WDR43: variants seen among roughly 807,000 people sequenced by gnomAD.
WDR43 encodes WD repeat domain 43.
WDR43 carries 13 observed loss-of-function variants against 91.4 expected under a neutral mutation model. The ratio of observed to expected loss-of-function variants is 0.14; its 90% CI spans 0.09 to 0.23. WDR43 has a LOEUF of 0.23. WDR43 is among the 10% of genes least tolerant of loss of function. The probability of loss-of-function intolerance (pLI) is 1.00; values close to 1 mark genes in which losing one functional copy is unlikely to be tolerated. For synonymous variants in WDR43, 331 were observed against 287.9 expected, an observed-to-expected ratio of 1.15 and a Z score of -1.51; for missense variants, 780 against 809.4, an observed-to-expected ratio of 0.96 and a Z score of 0.44.
intron 7 of WDR43, 91 bp downstream of exon 7, chr2:28,923,074 T>TTAC: frequency 9.2e-7 from 1 of 1,089,790 alleles, no homozygotes; most frequent in Non-Finnish European, 1.3e-6. Flanking sequence ...TTGCATCATA[T>TTAC]TACTATTCAG....
At position 28,897,356 on chromosome 2, in the gene WDR43, G is replaced by A. The variant is rs530004138; in HGVS notation, c.225+2433G>A. 1.3e-4 allele frequency among the ~76,000 whole-genome samples: 20 copies of A among 152,234 alleles called. No individual in the cohort carries two copies. In the South Asian group the frequency reaches 3.9e-3, roughly 30 times the overall value. On this transcript the variant is annotated intron_variant, in intron 1 of 17. Coordinates refer to ENST00000407426, the MANE Select transcript of WDR43 (RefSeq NM_015131.3). ...ACCCTTCCTTTTATTTTACATCTTT[G>A]AGGCTTAGTGTATGAGGCATGAAAA...
chr2:28,917,667 T>G (rs1670941143), intron 5 of WDR43, among the ~76,000 whole-genome samples: 2 of 152,258 alleles, frequency 1.3e-5, no homozygotes, highest in South Asian at 4.1e-4. Context: ...TGTTTAAATC[T>G]GCCACAAATG....
chr2:28,937,735 A>C lies in WDR43; in HGVS notation c.1557-196A>C, dbSNP rs1293390469. On this transcript the variant is annotated intron_variant, in intron 13 of 17. Transcript: ENST00000407426. ...CTGATGTGGCCCCCAATCCCTGCCCAAGGTCTATGACACAGAGCTCAGATA... is the reference window on the plus strand; with the variant it reads ...CTGATGTGGCCCCCAATCCCTGCCCCAGGTCTATGACACAGAGCTCAGATA... Among the ~76,000 whole-genome samples the C allele has an allele frequency of 3.3e-5, 5 of 152,316 alleles. No individual in the cohort carries two copies. The South Asian group carries it at 8.3e-4, about 25-fold the overall frequency.
At chr2:28,944,026 C>A (rs1671495269) in intron 16 of WDR43, among the ~76,000 whole-genome samples, 1 of 152,198 alleles carries the variant, frequency 6.6e-6, no homozygotes, top group Non-Finnish European at 1.5e-5. Context: ...CAAGTATGAA[C>A]AGAGGACCTG....
rs1054196131 is a variant in WDR43, at chr2:28,902,077, A to G, written c.316A>G (p.Ile106Val). ...LLALGTAVGS[I>V]LLYSTVKGEL... ...GGCTCTTGGCACAGCAGTTGGTAGC[A>G]TTTTATTATACAGCACAGTAAAAGG... Residue 106 changes from isoleucine (I) to valine (V), a missense_variant, in exon 2 of 18, where the codon ATT (isoleucine) becomes GTT (valine). Ile to Val is a conservative substitution (Grantham distance 29). This residue lies in a region of WDR43 where 174 missense variants were observed against 207.3 expected (regional missense o/e 0.84). Transcript: ENST00000407426. 2 of 1,610,552 alleles carry G rather than the reference A, an allele frequency of 1.2e-6. No individual in the cohort carries two copies. Among genetic ancestry groups the G allele is most frequent in the African/African-American group, 1.3e-5 (1 of 74,834 alleles).
rs536735561 is a variant in WDR43, at chr2:28,927,446, T to C, written c.1174-123T>C. The C allele has an allele frequency of 5.7e-5, 65 of 1,137,376 alleles. No homozygotes were observed. In the Admixed American group the frequency reaches 6.1e-4, roughly 11 times the overall value. The allele number at this position is 1,137,376 out of a possible 1,614,324, so 70.5% of individuals were successfully genotyped here. A position where few individuals can be genotyped will look rare whatever the true frequency, so the allele number is the denominator to read the frequency against. The stretch of plus-strand genomic sequence containing the variant: ...ATTTAAAATATATCTTAAATTGATA[T>C]CAAGTTAATTATATTGCATTTTTCC... On this transcript the variant is annotated intron_variant, in intron 9 of 17. Transcript: ENST00000407426.
chr2:28,918,588 C>T (rs960852020), intron 6 of WDR43, among the ~76,000 whole-genome samples: 5 of 151,996 alleles, frequency 3.3e-5, no homozygotes, highest in South Asian at 4.2e-4. Flanking sequence ...AGGCTGGTCT[C>T]GAACTCCCCA....
At chr2:28,894,950 G>C in intron 1 of WDR43, 27 bp downstream of exon 1, 3 of 1,503,612 alleles carry the variant, frequency 2.0e-6, no homozygotes, top group South Asian at 1.2e-5. Context: ...TGCGCGGGGC[G>C]GGCGCCTTCC....
At chr2:28,915,409 A>G (rs1211073659) in intron 5 of WDR43, among the ~76,000 whole-genome samples, 1 of 152,218 alleles carries the variant, frequency 6.6e-6, no homozygotes, top group African/African-American at 2.4e-5. Context: ...CCCTGGCATT[A>G]TTGAGTTGCT....
Position 28,935,419 on chromosome 2 carries a change from C to T in WDR43, c.1438-102C>T, listed in dbSNP as rs13399322. 5,058 of 767,656 alleles carry T rather than the reference C, an allele frequency of 6.6e-3. 221 individuals are homozygous for T. In the African/African-American group the frequency reaches 0.084, roughly 13 times the overall value. 47.6% of individuals were successfully genotyped at this position (767,656 alleles called of 1,614,324 possible). A position where few individuals can be genotyped will look rare whatever the true frequency, so the allele number is the denominator to read the frequency against. ...TCAGTTTGTAGTTTATTGCCTTGGT[C>T]TTAAATGATTTAAAGGATTCATTTT... is the stretch of plus-strand genomic sequence containing the variant. On this transcript the variant is annotated intron_variant, in intron 11 of 17. Coordinates refer to ENST00000407426, the MANE Select transcript of WDR43 (RefSeq NM_015131.3).
intron 11 of WDR43, among the ~76,000 whole-genome samples, chr2:28,932,042 A>G (rs1671258252): frequency 6.6e-6 from 1 of 151,946 alleles, no homozygotes; most frequent in Non-Finnish European, 1.5e-5. Context: ...TAGCCAGCTA[A>G]TTTTTAAAAT....
chr2:28,926,350 T>TA, intron 8 of WDR43, 118 bp from the exon 9 acceptor site: 1 of 742,206 alleles, frequency 1.3e-6, no homozygotes, highest in Non-Finnish European at 2.1e-6. Context: ...TAATATTTTA[T>TA]AAAAATGCAC....
At chr2:28,939,033 A>G (rs5006636) in intron 14 of WDR43, among the ~76,000 whole-genome samples, 7 of 70,710 alleles carry the variant, frequency 9.9e-5, no homozygotes, top group East Asian at 4.3e-4. Flanking sequence ...TTGGGAGGTG[A>G]CCTGGGAGCA....
At chr2:28,901,845 T>A in intron 1 of WDR43, 142 bp from the exon 2 acceptor site, 1 of 777,698 alleles carries the variant, frequency 1.3e-6, no homozygotes, top group South Asian at 2.2e-5. Flanking sequence ...TTTGAAGTAG[T>A]GAGAAGTAAA....
Position 28,902,356 on chromosome 2 carries a change from A to G in WDR43, c.363+232A>G, listed in dbSNP as rs376057891. ...AAGACTTATTGACTAGGTTTAAAATAAGGAAGGGTTACAGGAACTCTAAGG... is the reference window on the plus strand; with the variant it reads ...AAGACTTATTGACTAGGTTTAAAATGAGGAAGGGTTACAGGAACTCTAAGG... On this transcript the variant is annotated intron_variant, in intron 2 of 17. Coordinates refer to ENST00000407426, the MANE Select transcript of WDR43 (RefSeq NM_015131.3). Among the ~76,000 whole-genome samples, 29 of 152,350 alleles carry G rather than the reference A, an allele frequency of 1.9e-4. 1 individual carries two copies. In the East Asian group the frequency reaches 2.3e-3, roughly 12 times the overall value.
chr2:28,906,434 A>ATTTT, intron 2 of WDR43, 26 bp from the exon 3 acceptor site: 2 of 1,401,410 alleles, frequency 1.4e-6, no homozygotes, highest in Admixed American at 2.6e-5. Flanking sequence ...CCAGCCTTAA[A>ATTTT]TTTTTTTTTT....
At chr2:28,918,637 G>A (rs1182225833) in intron 6 of WDR43, among the ~76,000 whole-genome samples, 15 of 152,126 alleles carry the variant, frequency 9.9e-5, no homozygotes, top group Admixed American at 9.8e-4. Flanking sequence ...CCAAAGTGCT[G>A]GGATTACAGG....
intron 11 of WDR43, chr2:28,930,156 G>A (rs1376828397): frequency 6.4e-6 from 3 of 470,048 alleles, no homozygotes; most frequent in Admixed American, 2.4e-5. Flanking sequence ...ATGGGTAGGA[G>A]GTTTGGGGGA....
chr2:28,929,768 T>C, intron 11 of WDR43, 58 bp downstream of exon 11: 2 of 1,537,088 alleles, frequency 1.3e-6, no homozygotes, highest in Admixed American at 1.8e-5. Context: ...TAGAAAATGA[T>C]TGACATAGCA....
Sources: allele counts gnomAD v4.1 joint callset (sites outside exome capture counted in the v4.1 genomes callset), GRCh38; gene constraint gnomAD v4.1.1; regional missense constraint gnomAD v4.1.1; transcripts MANE v1.5; gene names NCBI Gene and HGNC (gene_info 2026-07-23, HGNC 2026-07-21).